Variants in MCOLN2 observed in about 807,000 individuals in gnomAD.
The protein encoded by MCOLN2 is mucolipin TRP cation channel 2, also known as mucolipin-2.
Under a neutral mutation model 67.5 loss-of-function variants are expected in MCOLN2, and 57 were observed. The ratio of observed to expected loss-of-function variants is 0.84; its 90% CI spans 0.68 to 1.05. The LOEUF (loss-of-function observed/expected upper bound fraction) is 1.05, where lower values mean the gene tolerates loss of function less well. Among genes scored for constraint, MCOLN2 ranks in the 50% least tolerant of loss-of-function variants. The probability of loss-of-function intolerance (pLI) is 0.00; values close to 1 mark genes in which losing one functional copy is unlikely to be tolerated. For synonymous variants in MCOLN2, 246 were observed against 233.3 expected, an observed-to-expected ratio of 1.05 and a Z score of -0.50; for missense variants, 620 against 678.8, an observed-to-expected ratio of 0.91 and a Z score of 0.96.
chr1:84,962,409 G>A (rs1649135923), intron 2 of MCOLN2, among the ~76,000 whole-genome samples: 1 of 152,212 alleles, frequency 6.6e-6, no homozygotes, highest in South Asian at 2.1e-4. Flanking sequence ...GCCAGGTGCA[G>A]TGGCATGTGC....
intron 1 of MCOLN2, among the ~76,000 whole-genome samples, chr1:84,973,871 T>C (rs1057441049): frequency 6.6e-6 from 1 of 152,134 alleles, no homozygotes; most frequent in African/African-American, 2.4e-5. Context: ...CTTTTAACTT[T>C]GTATTGCTAA....
Position 84,965,673 on chromosome 1 carries a change from T to G in MCOLN2, c.113A>C (p.Glu38Ala). 1.2e-6 allele frequency: 2 copies of G among 1,613,724 alleles called. No individual in the cohort carries two copies. The highest frequency in any genetic ancestry group is 1.7e-6 in the Non-Finnish European group (2 of 1,179,854). The change falls in exon 2 of 14, where the codon GAA becomes GCA. Residue 38 changes from glutamate to alanine, a missense_variant. Glu to Ala is a moderately radical substitution (Grantham distance 107, BLOSUM62 -1). Coordinates refer to ENST00000370608, the MANE Select transcript of MCOLN2 (RefSeq NM_153259.4). ...AMAHRDSEMK[E>A]ECLREDLKFY... Reference sequence around the variant, plus strand: ...CTTCAGGTCTTCCCTTAGACATTCTTCTTTCATCTCAGAATCACGATGTGC... The same window carrying G: ...CTTCAGGTCTTCCCTTAGACATTCTGCTTTCATCTCAGAATCACGATGTGC...
chr1:84,941,088 G>A, intron 7 of MCOLN2, 97 bp from the exon 8 acceptor site: 2 of 736,746 alleles, frequency 2.7e-6, no homozygotes, highest in Admixed American at 5.3e-5. Context: ...AACAATAAAT[G>A]TTTTGTCTAT....
At chr1:84,956,725 A>C in intron 3 of MCOLN2, 141 bp from the exon 4 acceptor site, 1 of 678,272 alleles carries the variant, frequency 1.5e-6, no homozygotes. Flanking sequence ...TTAAAATACT[A>C]CAAAGAAATC....
intron 7 of MCOLN2, among the ~76,000 whole-genome samples, chr1:84,942,529 C>T (rs943525702): frequency 2.0e-5 from 3 of 152,188 alleles, no homozygotes; most frequent in African/African-American, 7.2e-5. Context: ...GAAACAGCCC[C>T]AGGAAAATAA....
intron 1 of MCOLN2, among the ~76,000 whole-genome samples, chr1:84,987,536 G>GTATATATCGATA (rs1557665804): frequency 1.4e-4 from 3 of 21,642 alleles, no homozygotes; most frequent in African/African-American, 4.0e-4. Context: ...ATACATCTAT[G>GTATATATCGATA]TATACATAGA....
chr1:84,987,240 G>A (rs926628423), intron 1 of MCOLN2, among the ~76,000 whole-genome samples: 2 of 116,536 alleles, frequency 1.7e-5, no homozygotes, highest in African/African-American at 3.1e-5. Context: ...CAGCTATATA[G>A]ATATGTATAT....
intron 6 of MCOLN2, 74 bp downstream of exon 6, chr1:84,952,169 G>A (rs549833849): frequency 5.2e-6 from 5 of 970,378 alleles, no homozygotes; most frequent in East Asian, 5.0e-5. Flanking sequence ...AGGCTGCTGT[G>A]TTTTATACTC....
At chr1:84,971,515 C>CAA (rs1468547767) in intron 1 of MCOLN2, among the ~76,000 whole-genome samples, 1 of 146,388 alleles carries the variant, frequency 6.8e-6, no homozygotes, top group African/African-American at 2.7e-5. Flanking sequence ...CACACACACA[C>CAA]ACACACACAC....
chr1:84,930,272 A>G (rs1379911801), intron 12 of MCOLN2, among the ~76,000 whole-genome samples: 2 of 151,652 alleles, frequency 1.3e-5, no homozygotes, highest in African/African-American at 2.4e-5. Context: ...CTTTTTTTAA[A>G]AAAAAAAAAA....
intron 13 of MCOLN2, among the ~76,000 whole-genome samples, chr1:84,929,115 G>C (rs748774320): frequency 6.6e-6 from 1 of 152,230 alleles, no homozygotes; most frequent in Non-Finnish European, 1.5e-5. Context: ...GGTGTGCACG[G>C]ATAAGCAAGC....
In MCOLN2 at chr1:84,974,409, G is replaced by C. The variant is rs961535984; in HGVS notation, c.78-8701C>G. On this transcript the variant is annotated intron_variant, in intron 1 of 13. Coordinates refer to ENST00000370608, the MANE Select transcript of MCOLN2 (RefSeq NM_153259.4). ...TCCTTCTGCTTGAGGAGAGGAGAAA[G>C]AAGAGTGGGGAGGACTTTGTCTTGC... Among the ~76,000 whole-genome samples, 8 of 151,658 alleles carry C rather than the reference G, an allele frequency of 5.3e-5. No individual in the cohort carries two copies. The East Asian group carries it at 1.6e-3, about 30-fold the overall frequency.
At chr1:84,964,814 T>C (rs1440830470) in intron 2 of MCOLN2, among the ~76,000 whole-genome samples, 1 of 152,164 alleles carries the variant, frequency 6.6e-6, no homozygotes, top group African/African-American at 2.4e-5. Context: ...GAGAATCTAA[T>C]GCCACCACTG....
At chr1:84,945,380 T>C (rs1429799774) in intron 7 of MCOLN2, among the ~76,000 whole-genome samples, 1 of 152,200 alleles carries the variant, frequency 6.6e-6, no homozygotes, top group East Asian at 1.9e-4. Flanking sequence ...TGCGTATCTG[T>C]AAGAGAGTGG....
chr1:84,935,496 A>T (rs1003256388), intron 11 of MCOLN2, among the ~76,000 whole-genome samples: 1 of 152,250 alleles, frequency 6.6e-6, no homozygotes, highest in South Asian at 2.1e-4. Context: ...TCCAATAGAT[A>T]GCTAGTCCAA....
In MCOLN2 at chr1:84,974,681, C is replaced by T. The variant is rs1649909491; in HGVS notation, c.78-8973G>A. 2.6e-5 allele frequency among the ~76,000 whole-genome samples: 4 copies of T among 152,186 alleles called. No homozygotes were observed. In the South Asian group the frequency reaches 8.3e-4, roughly 32 times the overall value. On this transcript the variant is annotated intron_variant, in intron 1 of 13. Coordinates refer to ENST00000370608, the MANE Select transcript of MCOLN2 (RefSeq NM_153259.4). ...GCCTTGGGTGAGCCTCTGAGACTTGCTGGCTTCAGGTTCATCTCGGCTATT... is the reference window on the plus strand; with the variant it reads ...GCCTTGGGTGAGCCTCTGAGACTTGTTGGCTTCAGGTTCATCTCGGCTATT...
At chr1:84,931,052 G>T (rs902639972) in intron 12 of MCOLN2, among the ~76,000 whole-genome samples, 1 of 152,110 alleles carries the variant, frequency 6.6e-6, no homozygotes, top group Non-Finnish European at 1.5e-5. Context: ...TCAATCCTAA[G>T]TTCCAGGCAG....
At chr1:84,995,965 C>T (rs1400007760) in intron 1 of MCOLN2, among the ~76,000 whole-genome samples, 1 of 152,054 alleles carries the variant, frequency 6.6e-6, no homozygotes, top group Non-Finnish European at 1.5e-5. Context: ...AGAGTTCCGG[C>T]CACAGAAACT....
chr1:84,964,882 A>G (rs1649293864), intron 2 of MCOLN2, among the ~76,000 whole-genome samples: 1 of 151,916 alleles, frequency 6.6e-6, no homozygotes, highest in Non-Finnish European at 1.5e-5. Flanking sequence ...AGCTAAAAAA[A>G]CAGATAAAGC....
Sources: allele counts gnomAD v4.1 joint callset (sites outside exome capture counted in the v4.1 genomes callset), GRCh38; gene constraint gnomAD v4.1.1; transcripts MANE v1.5; gene names NCBI Gene and HGNC (gene_info 2026-07-23, HGNC 2026-07-21).